The following IL15 variants were observed in gnomAD, a reference collection of about 807,000 sequenced individuals.
IL15 encodes interleukin-15.
Under a neutral mutation model 19.6 loss-of-function variants are expected in IL15, and 11 were observed. That is an observed-to-expected ratio of 0.56 (90% CI 0.35 to 0.93). The LOEUF is 0.93. Among genes scored for constraint, IL15 ranks in the 40% least tolerant of loss-of-function variants. IL15 has a pLI of 0.01. For missense variants in IL15, 197 were observed against 186.5 expected (o/e 1.06, Z -0.33); for synonymous variants, 58 against 59.6 (o/e 0.97, Z 0.12).
chr4:141,665,146 TTTTG>T (rs2152164151), intron 2 of IL15, among the ~76,000 whole-genome samples: 1 of 152,252 alleles, frequency 6.6e-6, no homozygotes, highest in South Asian at 2.1e-4. Flanking sequence ...TATCCTATCA[TTTTG>T]TTTATTATAC....
intron 3 of IL15, among the ~76,000 whole-genome samples, chr4:141,719,976 C>G (rs1730019739): frequency 6.6e-6 from 1 of 152,114 alleles, no homozygotes; most frequent in Non-Finnish European, 1.5e-5. Context: ...AATACAGTAT[C>G]TGTAATTGGT....
rs1024369584 is a variant in IL15 at position 141,666,163 on chromosome 4, C to G, written c.-100+9856C>G. On this transcript the variant is annotated intron_variant, in intron 2 of 7. Coordinates refer to ENST00000320650, the MANE Select transcript of IL15 (RefSeq NM_000585.5). ...TCGCCCAGGCTGGAGTGCAGTGGCA[C>G]GATCTCGGCTCACTGCAAGCTCCGC... 5.3e-5 allele frequency among the ~76,000 whole-genome samples: 8 copies of G among 151,686 alleles called. No homozygotes were observed. In the South Asian group the frequency reaches 1.0e-3, roughly 20 times the overall value.
At chr4:141,683,130 G>A (rs1177247953) in intron 2 of IL15, among the ~76,000 whole-genome samples, 3 of 151,880 alleles carry the variant, frequency 2.0e-5, no homozygotes, top group Non-Finnish European at 2.9e-5. Flanking sequence ...TTAGCCCGGC[G>A]TGGTGGCAGG....
At chr4:141,696,794 G>T (rs576446431) in intron 2 of IL15, among the ~76,000 whole-genome samples, 61 of 151,992 alleles carry the variant, frequency 4.0e-4, no homozygotes, top group African/African-American at 1.3e-3. Flanking sequence ...ATGTTTGCTG[G>T]CCATTTGTAT....
chr4:141,652,732 G>T (rs1727452325), intron 1 of IL15, among the ~76,000 whole-genome samples: 1 of 152,114 alleles, frequency 6.6e-6, no homozygotes. Flanking sequence ...AGTACTGGAG[G>T]ATTTGTGGTC....
At chr4:141,703,408 T>TA (rs768146186) in intron 2 of IL15, among the ~76,000 whole-genome samples, 1 of 152,204 alleles carries the variant, frequency 6.6e-6, no homozygotes, top group Non-Finnish European at 1.5e-5. Context: ...TAGTCAGGAA[T>TA]GGCTTTCCTT....
chr4:141,680,525 T>C (rs1728499509), intron 2 of IL15, among the ~76,000 whole-genome samples: 2 of 151,720 alleles, frequency 1.3e-5, no homozygotes, highest in African/African-American at 2.4e-5. Flanking sequence ...AAAGTAAAGT[T>C]CCATAAATTT....
In IL15 at chr4:141,678,586, C is replaced by T. The variant is rs1579011862; in HGVS notation, c.-100+22279C>T. Among the ~76,000 whole-genome samples, 5 of 146,860 alleles carry T rather than the reference C, an allele frequency of 3.4e-5. No individual in the cohort carries two copies. In the Admixed American group the frequency reaches 3.4e-4, roughly 10 times the overall value. On this transcript the variant is annotated intron_variant, in intron 2 of 7. Coordinates refer to ENST00000320650, the MANE Select transcript of IL15 (RefSeq NM_000585.5). ...GTGCACACAATGAAAAAAAAAAAAG[C>T]AAATGTGTGATTTCGTTGATTTTTT...
In IL15 at chr4:141,643,286, G is replaced by A. The variant is rs114115740; in HGVS notation, c.-222+6538G>A. Among the ~76,000 whole-genome samples, 392 of 152,056 alleles carry A rather than the reference G, an allele frequency of 2.6e-3. 4 individuals carry two copies. Among genetic ancestry groups the A allele is most frequent in the African/African-American group, 8.9e-3 (369 of 41,482 alleles). Reference sequence around the variant, plus strand: ...TATAACTTCTGCCATTTTTAAAAAAGACTCATGTTTTTCTCCTCATGTTTC... The same window carrying A: ...TATAACTTCTGCCATTTTTAAAAAAAACTCATGTTTTTCTCCTCATGTTTC... On this transcript the variant is annotated intron_variant, in intron 1 of 7. Transcript: ENST00000320650.
At chr4:141,700,620 A>G (rs1729256279) in intron 2 of IL15, among the ~76,000 whole-genome samples, 1 of 152,134 alleles carries the variant, frequency 6.6e-6, no homozygotes, top group Non-Finnish European at 1.5e-5. Flanking sequence ...TCTTTGTGCA[A>G]TTAATTTCCC....
chr4:141,664,564 C>A (rs1272061640), intron 2 of IL15, among the ~76,000 whole-genome samples: 1 of 152,070 alleles, frequency 6.6e-6, no homozygotes, highest in Admixed American at 6.6e-5. Context: ...CATAAATGAA[C>A]AGTTTATATA....
chr4:141,664,226 A>G (rs1456054666), intron 2 of IL15, among the ~76,000 whole-genome samples: 1 of 152,008 alleles, frequency 6.6e-6, no homozygotes, highest in Non-Finnish European at 1.5e-5. Context: ...GTGACTTAAT[A>G]TTTCAAAAAC....
intron 2 of IL15, among the ~76,000 whole-genome samples, chr4:141,693,073 T>C (rs72712417): frequency 0.2 from 25,233 of 124,132 alleles, 2,651 homozygotes; most frequent in African/African-American, 0.33. Context: ...AGTTTATAAA[T>C]CAAAGAGGTT....
At chr4:141,715,541 G>C (rs916216700) in intron 2 of IL15, 1 of 151,750 alleles carries the variant, frequency 6.6e-6, no homozygotes, top group Non-Finnish European at 1.5e-5. Flanking sequence ...TTTCTATATG[G>C]TTCATCTTTC....
intron 2 of IL15, among the ~76,000 whole-genome samples, chr4:141,693,498 A>G (rs56129444): frequency 0.11 from 17,404 of 152,282 alleles, 1,098 homozygotes; most frequent in Non-Finnish European, 0.15. Flanking sequence ...GAACTGAATA[A>G]TTAACACTAA....
intron 2 of IL15, among the ~76,000 whole-genome samples, chr4:141,714,452 C>T (rs1278656115): frequency 1.3e-5 from 2 of 152,170 alleles, no homozygotes; most frequent in African/African-American, 4.8e-5. Flanking sequence ...TTCCTTCCTC[C>T]CTTTTGGAGC....
chr4:141,668,505 G>A (rs998471756), intron 2 of IL15, among the ~76,000 whole-genome samples: 4 of 152,260 alleles, frequency 2.6e-5, no homozygotes, highest in East Asian at 1.9e-4. Context: ...ACATTTGGTC[G>A]TTTCTTGAGT....
chr4:141,676,053 A>G (rs1330199722), intron 2 of IL15, among the ~76,000 whole-genome samples: 2 of 152,240 alleles, frequency 1.3e-5, no homozygotes, highest in African/African-American at 4.8e-5. Flanking sequence ...AATAGAAGCC[A>G]GCACCAGGAA....
intron 2 of IL15, among the ~76,000 whole-genome samples, chr4:141,661,897 T>G (rs956213835): frequency 1.3e-5 from 2 of 152,238 alleles, no homozygotes; most frequent in African/African-American, 4.8e-5. Context: ...CTGTGTCTCA[T>G]GATGATGTCT....
Sources: gnomAD v4.1 joint callset for allele counts (sites outside exome capture counted in the v4.1 genomes callset) on GRCh38, gnomAD v4.1.1 for gene constraint, MANE v1.5 for transcripts, NCBI Gene and HGNC (gene_info 2026-07-23, HGNC 2026-07-21) for gene names.